SORCS3: variants seen among roughly 807,000 people sequenced by gnomAD.
SORCS3 encodes the protein sortilin related VPS10 domain containing receptor 3, also known as VPS10 domain-containing receptor SorCS3.
SORCS3 carries 57 observed loss-of-function variants against 146.3 expected under a neutral mutation model. That is an observed-to-expected ratio of 0.39 (90% CI 0.31 to 0.49). The LOEUF (loss-of-function observed/expected upper bound fraction) is 0.49. Ranked by LOEUF, SORCS3 falls within the 20% of genes least tolerant of loss-of-function variation. The probability of loss-of-function intolerance (pLI) is 0.92; values close to 1 mark genes in which losing one functional copy is unlikely to be tolerated. For synonymous variants in SORCS3, 653 were observed against 618.5 expected (o/e 1.06, Z -0.83); for missense variants, 1,341 against 1,575.5 (o/e 0.85, Z 2.52).
intron 2 of SORCS3, among the ~76,000 whole-genome samples, chr10:104,859,977 T>C (rs537028957): frequency 1.5e-4 from 13 of 84,976 alleles, no homozygotes; most frequent in Admixed American, 7.6e-4. Flanking sequence ...GGTGGGACTG[T>C]AAACTAGTTC....
intron 20 of SORCS3, among the ~76,000 whole-genome samples, chr10:105,224,344 C>T (rs183358376): frequency 9.4e-4 from 143 of 152,274 alleles, no homozygotes; most frequent in African/African-American, 3.2e-3. Context: ...ATAGTATGCA[C>T]TGTTTTCATA....
chr10:104,811,333 A>C (rs2017738765), intron 1 of SORCS3, among the ~76,000 whole-genome samples: 1 of 152,350 alleles, frequency 6.6e-6, no homozygotes, highest in Admixed American at 6.5e-5. Context: ...CATGCAAGAG[A>C]ACAGAACTTG....
At chr10:105,145,935 T>A (rs2056128173) in intron 8 of SORCS3, among the ~76,000 whole-genome samples, 3 of 152,114 alleles carry the variant, frequency 2.0e-5, no homozygotes, top group African/African-American at 7.2e-5. Context: ...GGAGGAGCTC[T>A]CTGTGGTGCT....
chr10:104,647,505 G>A (rs1169811368), intron 1 of SORCS3, among the ~76,000 whole-genome samples: 4 of 152,042 alleles, frequency 2.6e-5, no homozygotes, highest in Non-Finnish European at 4.4e-5. Flanking sequence ...ATATTATTTG[G>A]TGAGTGATTT....
At chr10:105,019,311 A>G (rs2055185709) in intron 4 of SORCS3, among the ~76,000 whole-genome samples, 1 of 152,180 alleles carries the variant, frequency 6.6e-6, no homozygotes, top group African/African-American at 2.4e-5. Context: ...ATCGTATAGT[A>G]TGTCATTCCA....
chr10:104,935,581 T>A (rs1852137), intron 3 of SORCS3, among the ~76,000 whole-genome samples: 1 of 152,024 alleles, frequency 6.6e-6, no homozygotes, highest in African/African-American at 2.4e-5. Context: ...TTTGTGTCCC[T>A]GGTCTTTGCT....
intron 3 of SORCS3, among the ~76,000 whole-genome samples, chr10:104,918,461 T>C (rs1343073468): frequency 2.0e-5 from 3 of 152,206 alleles, no homozygotes; most frequent in Non-Finnish European, 2.9e-5. Flanking sequence ...CAAAATTGCT[T>C]TATGATCTTG....
chr10:105,110,804 T>A lies in SORCS3; in HGVS notation c.1212+5289T>A, dbSNP rs1213099891. Among the ~76,000 whole-genome samples the A allele has an allele frequency of 2.0e-5, 3 of 152,228 alleles. No individual in the cohort carries two copies. The East Asian group carries it at 5.8e-4, about 29-fold the overall frequency. Reference sequence around the variant, plus strand: ...GAAAAGGGAGAAGCATCATTATGATTTGGCTATTTAAAACCATTTATAAAT... The same window carrying A: ...GAAAAGGGAGAAGCATCATTATGATATGGCTATTTAAAACCATTTATAAAT... On this transcript the variant is annotated intron_variant, in intron 7 of 26. Transcript: ENST00000369701.
At position 104,947,554 on chromosome 10, in the gene SORCS3, G is replaced by A. The variant is rs185599690; in HGVS notation, c.796-29781G>A. Among the ~76,000 whole-genome samples the A allele has an allele frequency of 3.3e-5, 5 of 152,290 alleles. No individual in the cohort carries two copies. The East Asian group carries it at 9.6e-4, about 29-fold the overall frequency. On this transcript the variant is annotated intron_variant, in intron 3 of 26. Coordinates refer to ENST00000369701, the MANE Select transcript of SORCS3 (RefSeq NM_014978.3). ...GTGATACATCATCCGCGCAGGCTCA[G>A]AGAATGGCAGTACTTACAAGGGCCT...
chr10:105,206,280 T>G (rs2119628482), intron 16 of SORCS3, among the ~76,000 whole-genome samples: 1 of 152,356 alleles, frequency 6.6e-6, no homozygotes, highest in Middle Eastern at 3.4e-3. Context: ...AATTTTATGG[T>G]CCAAAGCTAT....
chr10:104,837,818 C>G (rs79710685), intron 1 of SORCS3, among the ~76,000 whole-genome samples: 277 of 152,252 alleles, frequency 1.8e-3, no homozygotes, highest in African/African-American at 6.4e-3. Context: ...GTACGTTTTT[C>G]TCTTCTCTGC....
intron 8 of SORCS3, 149 bp from the exon 9 acceptor site, chr10:105,147,468 T>C: frequency 1.7e-6 from 1 of 572,048 alleles, no homozygotes; most frequent in South Asian, 3.6e-5. Context: ...TTATAATTTA[T>C]AGCCTTGGTT....
chr10:104,748,664 C>A (rs991452024), intron 1 of SORCS3, among the ~76,000 whole-genome samples: 1 of 152,104 alleles, frequency 6.6e-6, no homozygotes, highest in Non-Finnish European at 1.5e-5. Context: ...ACCAGCCTGG[C>A]CAACTTGGTG....
intron 2 of SORCS3, among the ~76,000 whole-genome samples, chr10:104,898,587 C>A (rs541310945): frequency 6.6e-6 from 1 of 152,302 alleles, no homozygotes; most frequent in East Asian, 1.9e-4. Flanking sequence ...TCATCCTGGG[C>A]AAGAAACTAG....
At chr10:104,830,861 G>C (rs1053089721) in intron 1 of SORCS3, among the ~76,000 whole-genome samples, 7 of 152,108 alleles carry the variant, frequency 4.6e-5, no homozygotes, top group Non-Finnish European at 7.4e-5. Flanking sequence ...ACCCAGGCTG[G>C]AGTGCAGTGG....
intron 1 of SORCS3, among the ~76,000 whole-genome samples, chr10:104,690,034 G>A (rs2016093732): frequency 6.6e-6 from 1 of 152,150 alleles, no homozygotes; most frequent in South Asian, 2.1e-4. Flanking sequence ...CCAACAGGAG[G>A]GGTCATTTTC....
chr10:105,067,704 C>A (rs2055531280), intron 5 of SORCS3, among the ~76,000 whole-genome samples: 1 of 152,180 alleles, frequency 6.6e-6, no homozygotes, highest in Non-Finnish European at 1.5e-5. Context: ...TTTACTGCAA[C>A]CATCAGGCAC....
intron 19 of SORCS3, among the ~76,000 whole-genome samples, chr10:105,219,272 C>G (rs1564787713): frequency 6.6e-6 from 1 of 152,302 alleles, no homozygotes; most frequent in Admixed American, 6.5e-5. Flanking sequence ...CAGAAGCTTC[C>G]ATGAGTTTTC....
intron 4 of SORCS3, among the ~76,000 whole-genome samples, chr10:104,994,221 G>A (rs535564798): frequency 1.3e-5 from 2 of 152,300 alleles, no homozygotes; most frequent in South Asian, 4.1e-4. Flanking sequence ...ATAAGTAACT[G>A]ATGGCAATTG....
Sources: gnomAD v4.1 joint callset for allele counts (sites outside exome capture counted in the v4.1 genomes callset) on GRCh38, gnomAD v4.1.1 for gene constraint, MANE v1.5 for transcripts, NCBI Gene and HGNC (gene_info 2026-07-23, HGNC 2026-07-21) for gene names.